RGS9: variants seen among roughly 807,000 people sequenced by gnomAD.
RGS9 encodes regulator of G-protein signalling 9.
Under a neutral mutation model 102.0 loss-of-function variants are expected in RGS9, and 78 were observed. The ratio of observed to expected loss-of-function variants is 0.76; its 90% confidence interval spans 0.64 to 0.92. The LOEUF is 0.92. RGS9 is among the 40% of genes least tolerant of loss of function. The probability of loss-of-function intolerance (pLI) is 0.00; values close to 1 mark genes in which losing one functional copy is unlikely to be tolerated. For missense variants in RGS9, 833 were observed against 866.1 expected, an observed-to-expected ratio of 0.96 and a Z score of 0.48; for synonymous variants, 353 against 318.6, an observed-to-expected ratio of 1.11 and a Z score of -1.15.
chr17:65,160,354 T>C lies in RGS9; in HGVS notation c.312+15T>C, dbSNP rs767124186. 7.5e-6 allele frequency: 12 copies of C among 1,598,942 alleles called. No individual in the cohort carries two copies. In the Admixed American group the frequency reaches 2.0e-4, roughly 27 times the overall value. ...ACAGATTTCAGGTGAGTCTTGGCCTTGACCCTGGCTGTTCATATGGGGTTG... is the reference window on the plus strand; with the variant it reads ...ACAGATTTCAGGTGAGTCTTGGCCTCGACCCTGGCTGTTCATATGGGGTTG... On this transcript the variant is annotated intron_variant, in intron 4 of 18. Transcript: ENST00000262406.
At chr17:65,160,954 G>A (rs747753668) in intron 6 of RGS9, 45 bp downstream of exon 6, 8 of 1,498,470 alleles carry the variant, frequency 5.3e-6, no homozygotes, top group Non-Finnish European at 6.5e-6. Flanking sequence ...TTGAGTGGAA[G>A]ATAGTTTTGA....
chr17:65,189,903 C>T (rs1462467432), intron 10 of RGS9, among the ~76,000 whole-genome samples: 10 of 152,076 alleles, frequency 6.6e-5, no homozygotes, highest in South Asian at 2.1e-4. Flanking sequence ...CGTTTGTCCC[C>T]GTGTCTCAGT....
Position 65,208,863 on chromosome 17 carries a change from A to C in RGS9, c.1289+856A>C, listed in dbSNP as rs112095489. Among the ~76,000 whole-genome samples the C allele has an allele frequency of 4.6e-3, 701 of 152,236 alleles. 5 individuals carry two copies. The highest frequency in any genetic ancestry group is 0.014 in the African/African-American group (595 of 41,536). ...GGAGAAAAAACAACAACAACAACAA[A>C]AAAAACCAACTTGGCTTCATTCTTG... On this transcript the variant is annotated intron_variant, in intron 16 of 18. Coordinates refer to ENST00000262406, the MANE Select transcript of RGS9 (RefSeq NM_003835.4).
intron 1 of RGS9, among the ~76,000 whole-genome samples, chr17:65,140,948 CT>C (rs774097492): frequency 1.1e-4 from 16 of 151,800 alleles, no homozygotes; most frequent in Non-Finnish European, 1.8e-4. Flanking sequence ...TCTCCCTGAA[CT>C]AAGAGAGTTC....
chr17:65,193,261 A>G (rs1311830928), intron 11 of RGS9, among the ~76,000 whole-genome samples: 1 of 151,828 alleles, frequency 6.6e-6, no homozygotes, highest in Non-Finnish European at 1.5e-5. Flanking sequence ...TCTCAAAAAA[A>G]AAAAAAAAAG....
intron 17 of RGS9, among the ~76,000 whole-genome samples, chr17:65,213,550 G>T (rs116467761): frequency 0.011 from 1,698 of 151,344 alleles, 30 homozygotes; most frequent in African/African-American, 0.04. Flanking sequence ...GAGTGTGGTG[G>T]TGAGGGTGGT....
At chr17:65,225,672 C>A in intron 18 of RGS9, 186 bp downstream of exon 18, 2 of 739,738 alleles carry the variant, frequency 2.7e-6, no homozygotes, top group African/African-American at 3.5e-5. Context: ...TGCTGTCCTC[C>A]CGAGGGAGAA....
At chr17:65,171,341 G>A (rs1003776387) in intron 8 of RGS9, among the ~76,000 whole-genome samples, 4 of 152,198 alleles carry the variant, frequency 2.6e-5, no homozygotes, top group African/African-American at 9.7e-5. Flanking sequence ...ATGCTATGAT[G>A]TAGGGAATAT....
intron 9 of RGS9, among the ~76,000 whole-genome samples, chr17:65,182,406 G>A (rs963521009): frequency 1.3e-5 from 2 of 152,208 alleles, no homozygotes; most frequent in African/African-American, 2.4e-5. Flanking sequence ...AGATGGCCAC[G>A]TTGACCTCCG....
intron 12 of RGS9, among the ~76,000 whole-genome samples, chr17:65,195,716 C>T (rs761645292): frequency 1.3e-5 from 2 of 152,192 alleles, no homozygotes; most frequent in Non-Finnish European, 1.5e-5. Flanking sequence ...GGAAGCTTAA[C>T]AAAAACATCA....
At chr17:65,202,129 A>G in intron 14 of RGS9, 49 bp downstream of exon 14, 1 of 1,289,482 alleles carries the variant, frequency 7.8e-7, no homozygotes, top group Admixed American at 1.7e-5. Context: ...GCCTCTGAGG[A>G]CCACCCCATT....
At chr17:65,151,264 G>C (rs1910567217) in intron 1 of RGS9, among the ~76,000 whole-genome samples, 1 of 151,540 alleles carries the variant, frequency 6.6e-6, no homozygotes, top group South Asian at 2.1e-4. Context: ...ACAATTGCTT[G>C]AGCCCAGGAA....
intron 9 of RGS9, chr17:65,189,067 A>G (rs16960957): frequency 0.2 from 121,207 of 594,216 alleles, 17,586 homozygotes; most frequent in African/African-American, 0.59. Context: ...ACAGTGGTAA[A>G]TTACGCTCCT....
intron 9 of RGS9, 117 bp from the exon 10 acceptor site, chr17:65,189,169 A>G (rs1912256052): frequency 1.2e-6 from 1 of 821,350 alleles, no homozygotes; most frequent in African/African-American, 1.7e-5. Flanking sequence ...CTATCTTTTA[A>G]GAAAGAAAAA....
At chr17:65,138,990 C>CATCCTAGCCTCCCCTTCTG (rs1910027769) in intron 1 of RGS9, among the ~76,000 whole-genome samples, 1 of 15,496 alleles carries the variant, frequency 6.5e-5, no homozygotes. Flanking sequence ...ATCCCCTCCT[C>CATCCTAGCCTCCCCTTCTG]CACCCCAGCA....
At chr17:65,189,248 T>C (rs1397760204) in intron 9 of RGS9, 38 bp from the exon 10 acceptor site, 1 of 1,589,646 alleles carries the variant, frequency 6.3e-7, no homozygotes. Context: ...AATGATTTCA[T>C]GACATCTGCC....
chr17:65,198,730 C>T (rs1030158116), intron 13 of RGS9, among the ~76,000 whole-genome samples: 1 of 152,250 alleles, frequency 6.6e-6, no homozygotes, highest in Non-Finnish European at 1.5e-5. Flanking sequence ...AGCCTTGACA[C>T]TCAGCTGCTT....
intron 2 of RGS9, 116 bp from the exon 3 acceptor site, chr17:65,158,179 C>A: frequency 4.2e-6 from 4 of 952,904 alleles, no homozygotes; most frequent in African/African-American, 1.6e-5. Context: ...AGGTTCTGAG[C>A]GAAGAGGAAT....
intron 2 of RGS9, among the ~76,000 whole-genome samples, chr17:65,156,270 G>A (rs899380512): frequency 1.1e-4 from 16 of 152,170 alleles, no homozygotes; most frequent in Admixed American, 7.9e-4. Flanking sequence ...TGATCCACCC[G>A]CCTCGGCCTC....
Sources: allele counts gnomAD v4.1 joint callset (sites outside exome capture counted in the v4.1 genomes callset), GRCh38; gene constraint gnomAD v4.1.1; transcripts MANE v1.5; gene names NCBI Gene and HGNC (gene_info 2026-07-23, HGNC 2026-07-21).